Variants in XYLT2 observed in about 807,000 individuals in gnomAD.
The protein encoded by XYLT2 is xylosyltransferase 2.
Under a neutral mutation model 82.6 loss-of-function variants are expected in XYLT2, and 37 were observed. The ratio of observed to expected loss-of-function variants is 0.45; its 90% CI spans 0.34 to 0.59. The LOEUF (loss-of-function observed/expected upper bound fraction) is 0.59. Ranked by LOEUF, XYLT2 falls within the 20% of genes least tolerant of loss-of-function variation. XYLT2 has a pLI of 0.01. For missense variants in XYLT2, 934 were observed against 1,181.3 expected, an observed-to-expected ratio of 0.79 and a Z score of 3.07; for synonymous variants, 474 against 499.0, an observed-to-expected ratio of 0.95 and a Z score of 0.67.
In XYLT2 at chr17:50,360,521, C is replaced by T; in HGVS notation, c.*230C>T. The T allele has an allele frequency of 7.9e-7, 1 of 1,261,934 alleles. No homozygotes were observed. Among genetic ancestry groups the T allele is most frequent in the African/African-American group, 1.5e-5 (1 of 64,818 alleles). The allele number at this position is 1,261,934 out of a possible 1,614,324, so 78.2% of individuals were successfully genotyped here. Reference sequence around the variant, plus strand: ...CGCGAGAAGGGCACCAGCAGCATTCCACACCCAGCTCTTCCTCACCTTCCT... The same window carrying T: ...CGCGAGAAGGGCACCAGCAGCATTCTACACCCAGCTCTTCCTCACCTTCCT... On this transcript the variant is annotated 3_prime_UTR_variant, in exon 11 of 11. Transcript: ENST00000017003.
chr17:50,359,914 G>T, intron 10 of XYLT2, 55 bp from the exon 11 acceptor site: 2 of 1,467,534 alleles, frequency 1.4e-6, no homozygotes, highest in Non-Finnish European at 1.8e-6. Context: ...CCTGGGTCTG[G>T]CCTCCACGGA....
At chr17:50,351,374 C>T (rs536585797) in intron 1 of XYLT2, among the ~76,000 whole-genome samples, 2 of 152,160 alleles carry the variant, frequency 1.3e-5, no homozygotes, top group African/African-American at 2.4e-5. Flanking sequence ...CAGTGGCTCA[C>T]ATCTGTAATC....
rs140785322 is a variant in XYLT2, at chr17:50,360,157, G to A, written c.2464G>A (p.Val822Met). 5.6e-6 allele frequency: 9 copies of A among 1,614,028 alleles called. No homozygotes were observed. Among genetic ancestry groups the A allele is most frequent in the South Asian group, 2.2e-5 (2 of 91,078 alleles). ...CAGGGAACTGAGCAGCTTCTGGTCC[G>A]TGGCTGGACTGTGTGCCATAGGCCC... Reference protein sequence around the residue: ...TDRELSSFWSVAGLCAIGPSP... With the variant: ...TDRELSSFWSMAGLCAIGPSP... Residue 822 changes from valine (V) to methionine (M), a missense_variant, in exon 11 of 11, where the codon GTG (valine) becomes ATG (methionine). By Grantham distance (21) the Val-to-Met change is conservative. This residue lies in a region of XYLT2 where 374 missense variants were observed against 465.6 expected (regional missense o/e 0.80). Transcript: ENST00000017003.
In XYLT2 at chr17:50,349,400, G is replaced by T. The variant is rs115425970; in HGVS notation, c.135+3125G>T. On this transcript the variant is annotated intron_variant, in intron 1 of 10. Coordinates refer to ENST00000017003, the MANE Select transcript of XYLT2 (RefSeq NM_022167.4). ...TAGGGTCTGCTGCCTCCTCTTGCAG[G>T]TATCTCTTCTCGGATGGGAATGGGC... is the stretch of plus-strand genomic sequence containing the variant. 7.9e-3 allele frequency among the ~76,000 whole-genome samples: 1,206 copies of T among 152,202 alleles called. 17 individuals are homozygous for T. Among genetic ancestry groups the T allele is most frequent in the African/African-American group, 0.027 (1,139 of 41,536 alleles).
chr17:50,354,040 G>T lies in XYLT2; in HGVS notation c.546G>T (p.Gln182His), dbSNP rs762930631. The T allele has an allele frequency of 6.2e-7, 1 of 1,608,326 alleles. No homozygotes were observed. Among genetic ancestry groups the T allele is most frequent in the East Asian group, 2.2e-5 (1 of 44,870 alleles). ...CCCGGGCCAGCACCAAGCAGTGCCA[G>T]CAGGAGATCGCCAATGTGGTGTGCC... is the stretch of plus-strand genomic sequence containing the variant. Reference protein sequence around the residue: ...ALARASTKQCQQEIANVVCLH... With the variant: ...ALARASTKQCHQEIANVVCLH... The change falls in exon 2 of 11, where the codon CAG (glutamine) becomes CAT (histidine). Residue 182 changes from glutamine to histidine, a missense_variant. Physicochemically the swap from Gln to His is conservative, Grantham distance 24. Transcript: ENST00000017003.
At chr17:50,359,862 G>C (rs539404950) in intron 10 of XYLT2, 107 bp from the exon 11 acceptor site, 250 of 993,090 alleles carry the variant, frequency 2.5e-4, no homozygotes, top group Non-Finnish European at 3.3e-4. Context: ...CTGTGACTCA[G>C]AAGTAGGGCT....
At position 50,353,932 on chromosome 17, in the gene XYLT2, C is replaced by A. The variant is rs757417018; in HGVS notation, c.438C>A (p.Ser146Arg). Residue 146 changes from serine (S) to arginine (R), a missense_variant, in exon 2 of 11, where the codon AGC becomes AGA. By Grantham distance (110) the Ser-to-Arg change is moderately radical. This residue lies in a region of XYLT2 where 371 missense variants were observed against 394.9 expected (regional missense o/e 0.94). Transcript: ENST00000017003. The part of the protein sequence containing the change: ...AGFPPHGDTG[S>R]VEGAPQPTDN... ...TCCCACCACACGGAGATACAGGGAG[C>A]GTGGAGGGCGCCCCCCAGCCCACGG... The A allele has an allele frequency of 6.2e-7, 1 of 1,607,406 alleles. No homozygotes were observed.
intron 3 of XYLT2, 87 bp downstream of exon 3, chr17:50,354,670 C>A: frequency 7.1e-7 from 1 of 1,414,842 alleles, no homozygotes. Flanking sequence ...TGACCTGGCC[C>A]AGGTAGCCTA....
rs753396455 is a variant in XYLT2, at chr17:50,353,743, C to T, written c.249C>T (p.Gly83=). ...STGRRHGRWR[G]RAESPGVPVA... ...GCAGAAGGCATGGGCGCTGGCGGGG[C>T]CGTGCTGAGAGCCCAGGAGTGCCCG... is the stretch of plus-strand genomic sequence containing the variant. Residue 83 remains glycine, a synonymous_variant, in exon 2 of 11, where the codon GGC becomes GGT. Transcript: ENST00000017003. 3.2e-6 allele frequency: 5 copies of T among 1,557,954 alleles called. No individual in the cohort carries two copies. The East Asian group carries it at 1.2e-4, about 37-fold the overall frequency.
At chr17:50,349,576 A>C (rs538579955) in intron 1 of XYLT2, among the ~76,000 whole-genome samples, 1 of 152,092 alleles carries the variant, frequency 6.6e-6, no homozygotes, top group Non-Finnish European at 1.5e-5. Flanking sequence ...TAGCAAGACT[A>C]TCTCTATTAA....
rs780791027 is a variant in XYLT2 at position 50,360,213 on chromosome 17, A to G, written c.2520A>G (p.Arg840=). ...CCTGCCCCTCCCTGGAGCCCTGCAG[A>G]CTGACCAGCTGGAGCTCTCTGTCCC... ...PSPCPSLEPC[R]LTSWSSLSPD... The change falls in exon 11 of 11, where the codon AGA becomes AGG. Residue 840 remains arginine, a synonymous_variant. Transcript: ENST00000017003. 8 of 1,614,034 alleles carry G rather than the reference A, an allele frequency of 5.0e-6. No homozygotes were observed. Among genetic ancestry groups the G allele is most frequent in the Non-Finnish European group, 6.8e-6 (8 of 1,179,978 alleles).
At chr17:50,353,401 C>CG (rs902975276) in intron 1 of XYLT2, among the ~76,000 whole-genome samples, 5 of 152,098 alleles carry the variant, frequency 3.3e-5, no homozygotes, top group South Asian at 2.1e-4. Context: ...CAGTGGGGGA[C>CG]GGGGGTGTTG....
In XYLT2 at chr17:50,360,580, T is replaced by TTC. The variant is rs1555596906; in HGVS notation, c.*290_*291insCT. On this transcript the variant is annotated 3_prime_UTR_variant, in exon 11 of 11. Coordinates refer to ENST00000017003, the MANE Select transcript of XYLT2 (RefSeq NM_022167.4). Reference sequence around the variant, plus strand: ...TGAATTTCTTTTTTTTCTTTTTTTTTTTTTTTTTTTAATTTAAAAAGGAAA... The same window carrying TTC: ...TGAATTTCTTTTTTTTCTTTTTTTTTTCTTTTTTTTTTAATTTAAAAAGGAAA... 214 of 1,177,662 alleles carry TTC rather than the reference T, an allele frequency of 1.8e-4. No homozygotes were observed. The highest frequency in any genetic ancestry group is 3.1e-4 in the Admixed American group (7 of 22,752). The allele number at this position is 1,177,662 out of a possible 1,614,324, so 73.0% of individuals were successfully genotyped here.
At chr17:50,351,181 CG>C (rs1398847150) in intron 1 of XYLT2, among the ~76,000 whole-genome samples, 2 of 151,992 alleles carry the variant, frequency 1.3e-5, no homozygotes, top group Non-Finnish European at 2.9e-5. Context: ...GTGATGAGAA[CG>C]GAATTTAGGG....
rs1567806562 is a variant in XYLT2, at chr17:50,355,037, G to A, written c.988G>A (p.Ala330Thr). Reference protein sequence around the residue: ...WAWDFFINLSATDYPTRTNEE... With the variant: ...WAWDFFINLSTTDYPTRTNEE... ...CTGGGACTTCTTCATCAACCTCAGT[G>A]CCACTGACTATCCAACCAGGTGTGG... is the stretch of plus-strand genomic sequence containing the variant. The change falls in exon 4 of 11, where the codon GCC becomes ACC. Residue 330 changes from alanine to threonine, a missense_variant. Ala to Thr is a moderately conservative substitution (Grantham distance 58, BLOSUM62 0). This residue lies in a region of XYLT2 where 189 missense variants were observed against 320.8 expected (regional missense o/e 0.59). Coordinates refer to ENST00000017003, the MANE Select transcript of XYLT2 (RefSeq NM_022167.4). 6.5e-7 allele frequency: 1 copy of A among 1,535,652 alleles called. No individual in the cohort carries two copies. Among genetic ancestry groups the A allele is most frequent in the Admixed American group, 2.1e-5 (1 of 48,704 alleles).
chr17:50,346,661 G>T lies in XYLT2; in HGVS notation c.135+386G>T. 2 of 985,410 alleles carry T rather than the reference G, an allele frequency of 2.0e-6. No individual in the cohort carries two copies. Among genetic ancestry groups the T allele is most frequent in the Non-Finnish European group, 2.4e-6 (2 of 829,896 alleles). The allele number at this position is 985,410 out of a possible 1,614,324, so 61.0% of individuals were successfully genotyped here. On this transcript the variant is annotated intron_variant, in intron 1 of 10. Transcript: ENST00000017003. This position sits in a 1 kb window ranked among gnomAD's most constrained non-coding sequence, Gnocchi z 5.1. ...CAGGCCAAACTTTCTGAAGTTGGGAGGGGGCGGGGATATGCGCGCCGTGGG... is the reference window on the plus strand; with the variant it reads ...CAGGCCAAACTTTCTGAAGTTGGGATGGGGCGGGGATATGCGCGCCGTGGG...
At chr17:50,352,710 G>GT (rs1912323812) in intron 1 of XYLT2, among the ~76,000 whole-genome samples, 1 of 152,208 alleles carries the variant, frequency 6.6e-6, no homozygotes, top group South Asian at 2.1e-4. Context: ...CGCAGCAGCG[G>GT]TAGAGGCGCC....
At chr17:50,347,522 G>C (rs1912091859) in intron 1 of XYLT2, among the ~76,000 whole-genome samples, 1 of 152,198 alleles carries the variant, frequency 6.6e-6, no homozygotes. Flanking sequence ...AGTAGGACAA[G>C]CAAGTAGGAG....
rs1246960567 is a variant in XYLT2, at chr17:50,352,694, CAG to C, written c.136-935_136-934del. 5.9e-5 allele frequency among the ~76,000 whole-genome samples: 9 copies of C among 152,302 alleles called. No homozygotes were observed. In the East Asian group the frequency reaches 1.5e-3, roughly 26 times the overall value. On this transcript the variant is annotated intron_variant, in intron 1 of 10. Coordinates refer to ENST00000017003, the MANE Select transcript of XYLT2 (RefSeq NM_022167.4). ...TACCAGAGCACTTAGAGCCAGGAAG[CAG>C]GGGCGCAGCAGCGGTAGAGGCGCCC... is the stretch of plus-strand genomic sequence containing the variant.
Sources: allele counts gnomAD v4.1 joint callset (sites outside exome capture counted in the v4.1 genomes callset), GRCh38; gene constraint gnomAD v4.1.1; regional missense constraint gnomAD v4.1.1; non-coding constraint Gnocchi (gnomAD v3.1); transcripts MANE v1.5; gene names NCBI Gene and HGNC (gene_info 2026-07-23, HGNC 2026-07-21).